Variants in RORA observed in about 807,000 individuals in gnomAD.
RORA encodes RAR related orphan receptor A, also known as nuclear receptor ROR-alpha.
In RORA, 7 loss-of-function variants were observed where a neutral mutation model predicts 69.5. The ratio of observed to expected loss-of-function variants is 0.10; its 90% CI spans 0.06 to 0.19. RORA has a LOEUF of 0.19. RORA is among the 10% of genes least tolerant of loss of function. RORA has a pLI of 1.00. For synonymous variants in RORA, 261 were observed against 240.8 expected (o/e 1.08, Z -0.78); for missense variants, 457 against 663.0 (o/e 0.69, Z 3.41).
chr15:60,655,037 A>G (rs2070199570), intron 2 of RORA, among the ~76,000 whole-genome samples: 1 of 152,194 alleles, frequency 6.6e-6, no homozygotes, highest in African/African-American at 2.4e-5. Flanking sequence ...CACTTACTGC[A>G]TCTCTTATGT....
At chr15:61,033,769 T>C (rs1456712006) in intron 1 of RORA, among the ~76,000 whole-genome samples, 1 of 152,102 alleles carries the variant, frequency 6.6e-6, no homozygotes, top group East Asian at 1.9e-4. Flanking sequence ...AACAGGGATG[T>C]AAAATATCTT....
intron 1 of RORA, among the ~76,000 whole-genome samples, chr15:60,901,471 G>A (rs770449267): frequency 2.0e-5 from 3 of 152,076 alleles, no homozygotes; most frequent in African/African-American, 7.2e-5. Flanking sequence ...CACGCCCGGC[G>A]ATTCATGATG....
intron 2 of RORA, among the ~76,000 whole-genome samples, chr15:60,642,977 C>T (rs914328659): frequency 6.6e-6 from 1 of 151,974 alleles, no homozygotes; most frequent in African/African-American, 2.4e-5. Context: ...AGCAACATGG[C>T]GAAACCCCAC....
intron 1 of RORA, among the ~76,000 whole-genome samples, chr15:61,189,172 G>A (rs183317131): frequency 6.6e-6 from 1 of 152,254 alleles, no homozygotes; most frequent in Non-Finnish European, 1.5e-5. Context: ...TGACCCCTTA[G>A]TGTTTAACAC....
chr15:61,035,509 C>T (rs1338387758), intron 1 of RORA, among the ~76,000 whole-genome samples: 1 of 152,122 alleles, frequency 6.6e-6, no homozygotes, highest in Non-Finnish European at 1.5e-5. Flanking sequence ...TGGTCTGAAT[C>T]ACACAGCTGG....
chr15:60,912,177 C>G (rs1407501199), intron 1 of RORA, among the ~76,000 whole-genome samples: 1 of 151,246 alleles, frequency 6.6e-6, no homozygotes, highest in Non-Finnish European at 1.5e-5. Flanking sequence ...TTGGGCGACC[C>G]ATGTGGGAGG....
chr15:60,884,129 C>T (rs2073723778), intron 1 of RORA, among the ~76,000 whole-genome samples: 1 of 151,546 alleles, frequency 6.6e-6, no homozygotes, highest in African/African-American at 2.4e-5. Flanking sequence ...GCGTCCGTGG[C>T]TGACAAATGG....
chr15:60,981,426 C>T (rs977787107), intron 1 of RORA, among the ~76,000 whole-genome samples: 2 of 152,008 alleles, frequency 1.3e-5, no homozygotes, highest in Non-Finnish European at 2.9e-5. Flanking sequence ...CTCTGAGACG[C>T]TCTTTATGGG....
intron 2 of RORA, chr15:60,592,356 C>T (rs2068551583): frequency 3.6e-6 from 5 of 1,393,416 alleles, no homozygotes; most frequent in Non-Finnish European, 4.7e-6. Context: ...GCCGCCAGCC[C>T]ACCCGGCCCC....
At chr15:61,006,587 T>G (rs1196370148) in intron 1 of RORA, among the ~76,000 whole-genome samples, 3 of 152,190 alleles carry the variant, frequency 2.0e-5, no homozygotes, top group Non-Finnish European at 4.4e-5. Context: ...TAAAAACACC[T>G]GCTGCACACA....
At chr15:60,733,914 C>CAGAGAGAGAGAGAGAGAGAGAGAGAGAG (rs58672002) in intron 1 of RORA, among the ~76,000 whole-genome samples, 2 of 101,476 alleles carry the variant, frequency 2.0e-5, no homozygotes, top group Admixed American at 1.1e-4. Context: ...AGAATAGGGG[C>CAGAGAGAGAGAGAGAGAGAGAGAGAGAG]AGAGAGAGAG....
chr15:60,977,115 G>GA (rs5813057), intron 1 of RORA, among the ~76,000 whole-genome samples: 15,974 of 135,884 alleles, frequency 0.12, 1,171 homozygotes, highest in East Asian at 0.23. Context: ...TGATTGGAGG[G>GA]AAAAAAAAAA....
At chr15:60,803,613 C>T (rs918241223) in intron 1 of RORA, among the ~76,000 whole-genome samples, 2 of 152,296 alleles carry the variant, frequency 1.3e-5, no homozygotes, top group Middle Eastern at 3.4e-3. Context: ...GGAGGCCTAG[C>T]GTTGCTGCTA....
chr15:60,641,937 T>A (rs534009365), intron 2 of RORA, among the ~76,000 whole-genome samples: 7 of 152,320 alleles, frequency 4.6e-5, no homozygotes, highest in African/African-American at 1.7e-4. Flanking sequence ...CTAACCCATT[T>A]AAAAATTTGG....
At chr15:61,122,360 T>C (rs2079111749) in intron 1 of RORA, among the ~76,000 whole-genome samples, 1 of 152,144 alleles carries the variant, frequency 6.6e-6, no homozygotes, top group South Asian at 2.1e-4. Context: ...ACCAACGGTC[T>C]TTTCTAAGAA....
At chr15:60,862,266 C>T (rs1404935541) in intron 1 of RORA, among the ~76,000 whole-genome samples, 1 of 152,218 alleles carries the variant, frequency 6.6e-6, no homozygotes, top group Non-Finnish European at 1.5e-5. Context: ...ACCCTCTTGC[C>T]TGCAAAGGTC....
At chr15:60,637,055 A>T (rs1001782207) in intron 2 of RORA, among the ~76,000 whole-genome samples, 2 of 152,032 alleles carry the variant, frequency 1.3e-5, no homozygotes, top group Admixed American at 1.3e-4. Context: ...TGTGTGCATT[A>T]ATCTTTACTT....
chr15:60,753,634 A>G (rs1026513387), intron 1 of RORA, among the ~76,000 whole-genome samples: 9 of 152,240 alleles, frequency 5.9e-5, no homozygotes, highest in Non-Finnish European at 7.3e-5. Flanking sequence ...GCCAAATCAC[A>G]CTAGGAAGCA....
chr15:60,646,889 G>T (rs1332699891), intron 2 of RORA, among the ~76,000 whole-genome samples: 1 of 152,226 alleles, frequency 6.6e-6, no homozygotes, highest in East Asian at 1.9e-4. Context: ...GCTTCACAGG[G>T]TGGCTGCGGA....
Sources: allele counts gnomAD v4.1 joint callset (sites outside exome capture counted in the v4.1 genomes callset), GRCh38; gene constraint gnomAD v4.1.1; transcripts MANE v1.5; gene names NCBI Gene and HGNC (gene_info 2026-07-23, HGNC 2026-07-21).